DLGAP1: variants seen among roughly 807,000 people sequenced by gnomAD.
DLGAP1 encodes DLG associated protein 1.
Under a neutral mutation model 90.8 loss-of-function variants are expected in DLGAP1, and 11 were observed. That is an observed-to-expected ratio of 0.12 (90% CI 0.08 to 0.20). The LOEUF (loss-of-function observed/expected upper bound fraction) is 0.20, where lower values mean the gene tolerates loss of function less well. Among genes scored for constraint, DLGAP1 ranks in the 10% least tolerant of loss-of-function variants. The pLI, the probability that DLGAP1 is intolerant of heterozygous loss-of-function variation, is 1.00. For synonymous variants in DLGAP1, 558 were observed against 540.7 expected, an observed-to-expected ratio of 1.03 and a Z score of -0.44; for missense variants, 1,050 against 1,333.8, an observed-to-expected ratio of 0.79 and a Z score of 3.31.
intron 7 of DLGAP1, chr18:3,598,409 A>G (rs978333887): frequency 7.3e-5 from 11 of 151,658 alleles, no homozygotes; most frequent in African/African-American, 2.7e-4. Context: ...AGAGAAGGAC[A>G]TAGATCCAGA....
Position 3,787,887 on chromosome 18 carries a change from C to T in DLGAP1, c.1172+26172G>A, listed in dbSNP as rs539982195. Among the ~76,000 whole-genome samples the T allele has an allele frequency of 2.7e-4, 41 of 152,254 alleles. No homozygotes were observed. The South Asian group carries it at 8.5e-3, about 32-fold the overall frequency. On this transcript the variant is annotated intron_variant, in intron 5 of 12. Transcript: ENST00000315677. ...AAGTTCTCTGAAGTGCCCTCACCTG[C>T]CTAAAGTCTGGACTTGTCAAAAAAA...
rs544480215 is a variant in DLGAP1, at chr18:4,306,054, ACACACACACACG to A, written c.-267+148940_-267+148951del. On this transcript the variant is annotated intron_variant, in intron 1 of 12. Coordinates refer to ENST00000315677, the MANE Select transcript of DLGAP1 (RefSeq NM_004746.4). ...CAAATACACACACACACACACACAC[ACACACACACACG>A]GGGGAGAGGGGGGCGGAGAGAGAGA... is the stretch of plus-strand genomic sequence containing the variant. Among the ~76,000 whole-genome samples, 66 of 88,896 alleles carry A rather than the reference ACACACACACACG, an allele frequency of 7.4e-4. No individual in the cohort carries two copies. The East Asian group carries it at 0.023, about 31-fold the overall frequency. 58.3% of individuals were successfully genotyped at this position (88,896 alleles called of 152,430 possible). A position where few individuals can be genotyped will look rare whatever the true frequency, so the allele number is the denominator to read the frequency against.
In DLGAP1 at chr18:4,372,194, T is replaced by C. The variant is rs76696360; in HGVS notation, c.-267+82812A>G. On this transcript the variant is annotated intron_variant, in intron 1 of 12. Transcript: ENST00000315677. ...AACTTTGGCTTGCTAGGTCACAAGG[T>C]ACACAGAACCAGGTATAAAATGGCT... Among the ~76,000 whole-genome samples, 149 of 152,330 alleles carry C rather than the reference T, an allele frequency of 9.8e-4. No individual in the cohort carries two copies. In the East Asian group the frequency reaches 0.028, roughly 29 times the overall value.
chr18:4,170,838 C>T (rs1017950214), intron 1 of DLGAP1, among the ~76,000 whole-genome samples: 5 of 152,010 alleles, frequency 3.3e-5, no homozygotes, highest in Non-Finnish European at 5.9e-5. Context: ...TATTAGTGTT[C>T]ATTTAGATTT....
chr18:4,192,287 T>C (rs181614757), intron 1 of DLGAP1, among the ~76,000 whole-genome samples: 83 of 152,086 alleles, frequency 5.5e-4, no homozygotes, highest in African/African-American at 2.0e-3. Flanking sequence ...GCCAGTTGAG[T>C]AAAAGAAAGT....
At chr18:4,311,795 A>G (rs1399940853) in intron 1 of DLGAP1, among the ~76,000 whole-genome samples, 1 of 152,116 alleles carries the variant, frequency 6.6e-6, no homozygotes, top group African/African-American at 2.4e-5. Flanking sequence ...GGCTCACTGC[A>G]ACCTCCACCT....
intron 1 of DLGAP1, among the ~76,000 whole-genome samples, chr18:4,416,899 C>A (rs1341662625): frequency 6.6e-6 from 1 of 152,078 alleles, no homozygotes; most frequent in Non-Finnish European, 1.5e-5. Flanking sequence ...TTAAGTCCTA[C>A]AAAATGAAGT....
chr18:4,436,046 G>T (rs9961179), intron 1 of DLGAP1, among the ~76,000 whole-genome samples: 6,909 of 152,216 alleles, frequency 0.045, 500 homozygotes, highest in African/African-American at 0.16. Flanking sequence ...AGATGGTTTT[G>T]GTGGTAAGGA....
chr18:3,642,445 C>A lies in DLGAP1; in HGVS notation c.1592-60197G>T, dbSNP rs139140765. ...GTAAATGTGAGATTTCACTATGCAC[C>A]ATCTCCCTCAGATAGTTTAAACTGC... On this transcript the variant is annotated intron_variant, in intron 7 of 12. Transcript: ENST00000315677. Among the ~76,000 whole-genome samples, 1,107 of 152,258 alleles carry A rather than the reference C, an allele frequency of 7.3e-3. 6 individuals are homozygous for A. Among genetic ancestry groups the A allele is most frequent in the Non-Finnish European group, 8.0e-3 (545 of 68,038 alleles).
chr18:3,703,710 T>C (rs1367113711), intron 7 of DLGAP1, among the ~76,000 whole-genome samples: 1 of 152,236 alleles, frequency 6.6e-6, no homozygotes, highest in African/African-American at 2.4e-5. Context: ...GTTTCTTATT[T>C]TCCTCCCGAA....
intron 1 of DLGAP1, among the ~76,000 whole-genome samples, chr18:4,298,167 C>T (rs1598843668): frequency 6.6e-6 from 1 of 152,292 alleles, no homozygotes; most frequent in African/African-American, 2.4e-5. Flanking sequence ...GTCCCGCAGT[C>T]CGCCTTAAGG....
chr18:4,152,009 A>G (rs2076682569), intron 1 of DLGAP1, among the ~76,000 whole-genome samples: 1 of 152,194 alleles, frequency 6.6e-6, no homozygotes, highest in South Asian at 2.1e-4. Flanking sequence ...TTTCTTAGGA[A>G]AGTGACAAAA....
At chr18:3,780,944 G>C (rs964995635) in intron 5 of DLGAP1, among the ~76,000 whole-genome samples, 1 of 152,052 alleles carries the variant, frequency 6.6e-6, no homozygotes, top group African/African-American at 2.4e-5. Context: ...CAAGTAGCTA[G>C]GACTACAGAC....
At position 3,753,034 on chromosome 18, in the gene DLGAP1, A is replaced by G. The variant is rs375550956; in HGVS notation, c.1173-10522T>C. Among the ~76,000 whole-genome samples the G allele has an allele frequency of 2.2e-3, 342 of 152,290 alleles. 2 individuals carry two copies. The highest frequency in any genetic ancestry group is 7.7e-3 in the African/African-American group (321 of 41,552). ...GTCAGCGCATAAAAATTTTATAGGAAAACATTTGAGATAAATGAGCAAGAA... is the reference window on the plus strand; with the variant it reads ...GTCAGCGCATAAAAATTTTATAGGAGAACATTTGAGATAAATGAGCAAGAA... On this transcript the variant is annotated intron_variant, in intron 5 of 12. Coordinates refer to ENST00000315677, the MANE Select transcript of DLGAP1 (RefSeq NM_004746.4).
chr18:3,671,034 C>G (rs1282639513), intron 7 of DLGAP1, among the ~76,000 whole-genome samples: 1 of 152,222 alleles, frequency 6.6e-6, no homozygotes, highest in Non-Finnish European at 1.5e-5. Context: ...AGTATTACTT[C>G]TAGTTTTGTC....
At chr18:3,887,386 G>A (rs2071344404) in intron 3 of DLGAP1, among the ~76,000 whole-genome samples, 1 of 152,192 alleles carries the variant, frequency 6.6e-6, no homozygotes, top group Non-Finnish European at 1.5e-5. Flanking sequence ...CAAGACAGTG[G>A]CATGGTCACA....
chr18:3,937,291 G>T (rs574855358), intron 3 of DLGAP1, among the ~76,000 whole-genome samples: 1 of 152,266 alleles, frequency 6.6e-6, no homozygotes, highest in African/African-American at 2.4e-5. Flanking sequence ...TAATTGACTC[G>T]CAGTTCCACT....
intron 1 of DLGAP1, among the ~76,000 whole-genome samples, chr18:4,352,137 G>A (rs535956093): frequency 1.6e-4 from 24 of 152,226 alleles, no homozygotes; most frequent in African/African-American, 5.5e-4. Context: ...CCAAAACAAG[G>A]ACACACCTTT....
At chr18:3,648,289 C>G (rs562850804) in intron 7 of DLGAP1, among the ~76,000 whole-genome samples, 31 of 152,320 alleles carry the variant, frequency 2.0e-4, no homozygotes, top group African/African-American at 7.0e-4. Context: ...AACGTATGCT[C>G]TTTCAACTTA....
Sources: gnomAD v4.1 joint callset for allele counts (sites outside exome capture counted in the v4.1 genomes callset) on GRCh38, gnomAD v4.1.1 for gene constraint, MANE v1.5 for transcripts, NCBI Gene and HGNC (gene_info 2026-07-23, HGNC 2026-07-21) for gene names.